The following BRD10 variants were observed in gnomAD, a reference collection of about 807,000 sequenced individuals.
BRD10 encodes the protein uncharacterized bromodomain-containing protein 10.
the BRD10 span, among the ~76,000 whole-genome samples, chr9:5,965,083 A>G: frequency 1.3e-5 from 2 of 151,146 alleles, no homozygotes; most frequent in South Asian, 4.2e-4. Flanking sequence ...AGAAAAAAAA[A>G]TCACCTGCCA....
the BRD10 span, among the ~76,000 whole-genome samples, chr9:5,905,657 GCTAA>G: frequency 6.6e-6 from 1 of 152,192 alleles, no homozygotes; most frequent in Non-Finnish European, 1.5e-5. Flanking sequence ...TCAACCAGCT[GCTAA>G]CTAAAGAATA....
chr9:5,916,397 A>G, the BRD10 span, among the ~76,000 whole-genome samples: 1 of 152,084 alleles, frequency 6.6e-6, no homozygotes, highest in South Asian at 2.1e-4. Flanking sequence ...TTTAATCATA[A>G]AACTATTTCA....
chr9:5,930,317 A>G, the BRD10 span, among the ~76,000 whole-genome samples: 1 of 149,940 alleles, frequency 6.7e-6, no homozygotes, highest in Non-Finnish European at 1.5e-5. Flanking sequence ...CACTATCTAG[A>G]GCAAAAACTA....
the BRD10 span, chr9:6,008,399 G>C: frequency 1.5e-6 from 1 of 647,350 alleles, no homozygotes; most frequent in African/African-American, 2.0e-5. Flanking sequence ...AGAGAAGGGG[G>C]AGGGCACTCA....
the BRD10 span, among the ~76,000 whole-genome samples, chr9:5,987,476 T>A: frequency 1.3e-5 from 2 of 151,984 alleles, no homozygotes; most frequent in Non-Finnish European, 2.9e-5. Context: ...TCCTTTCCTA[T>A]AGTAGGAGTA....
At chr9:5,956,967 G>A in the BRD10 span, among the ~76,000 whole-genome samples, 1 of 152,098 alleles carries the variant, frequency 6.6e-6, no homozygotes, top group South Asian at 2.1e-4. Flanking sequence ...CAGTCTAGGG[G>A]GTAGGAAAAG....
chr9:5,988,684 T>G, the BRD10 span: 1 of 638,360 alleles, frequency 1.6e-6, no homozygotes, highest in Non-Finnish European at 2.7e-6. Flanking sequence ...GTTCTAACTT[T>G]TTATCCTCCC....
chr9:5,931,684 T>C, the BRD10 span, among the ~76,000 whole-genome samples: 1 of 152,176 alleles, frequency 6.6e-6, no homozygotes, highest in Non-Finnish European at 1.5e-5. Flanking sequence ...ATTAAATCAT[T>C]CTATATTTCG....
chr9:5,915,732 CTTA>C, the BRD10 span, among the ~76,000 whole-genome samples: 26 of 152,232 alleles, frequency 1.7e-4, no homozygotes, highest in East Asian at 3.1e-3. Context: ...ATTCCTCTAA[CTTA>C]TTATTATTTT....
chr9:6,008,092 G>A, the BRD10 span: 2 of 980,486 alleles, frequency 2.0e-6, no homozygotes, highest in Middle Eastern at 5.2e-4. Context: ...TCCGCACCCC[G>A]CCCGCCTGCT....
chr9:5,922,472 G>A, the BRD10 span: 1 of 1,613,998 alleles, frequency 6.2e-7, no homozygotes, highest in Non-Finnish European at 8.5e-7. Context: ...ATTTGATAAA[G>A]GTGTAATTGT....
At chr9:6,001,038 C>G in the BRD10 span, among the ~76,000 whole-genome samples, 1 of 152,158 alleles carries the variant, frequency 6.6e-6, no homozygotes, top group African/African-American at 2.4e-5. Context: ...TGAATGCCTC[C>G]TCTCAGGTCC....
At chr9:5,960,559 TC>T in the BRD10 span, among the ~76,000 whole-genome samples, 1 of 89,084 alleles carries the variant, frequency 1.1e-5, no homozygotes, top group Admixed American at 1.1e-4. Flanking sequence ...TGAGACTCTG[TC>T]TCAAAAAAAA....
the BRD10 span, among the ~76,000 whole-genome samples, chr9:5,993,843 A>C: frequency 6.6e-6 from 1 of 152,228 alleles, no homozygotes; most frequent in Admixed American, 6.5e-5. Flanking sequence ...ATGCATTTAC[A>C]GGGGCAAATG....
the BRD10 span, among the ~76,000 whole-genome samples, chr9:5,939,798 G>A: frequency 6.6e-6 from 1 of 152,192 alleles, no homozygotes; most frequent in African/African-American, 2.4e-5. Flanking sequence ...TGCACTGTAG[G>A]ATCATTACAG....
chr9:5,886,889 C>T, the BRD10 span, among the ~76,000 whole-genome samples: 155 of 152,296 alleles, frequency 1.0e-3, no homozygotes, highest in African/African-American at 3.6e-3. Flanking sequence ...CCAGGCACCT[C>T]AGAAGCTGCA....
the BRD10 span, chr9:5,921,710 T>C: frequency 1.9e-6 from 3 of 1,613,924 alleles, no homozygotes; most frequent in South Asian, 1.1e-5. Flanking sequence ...AATATTTGCA[T>C]TGTTTTGTCC....
the BRD10 span, among the ~76,000 whole-genome samples, chr9:5,953,605 C>A: frequency 6.6e-6 from 1 of 151,910 alleles, no homozygotes; most frequent in South Asian, 2.1e-4. Context: ...TGAAAACGAA[C>A]TATCTAGGCA....
the BRD10 span, among the ~76,000 whole-genome samples, chr9:5,995,355 CTTTAT>C: frequency 6.6e-6 from 1 of 152,362 alleles, no homozygotes; most frequent in East Asian, 1.9e-4. Context: ...CCCATCCTTA[CTTTAT>C]GTTTCAGTGA....
Sources: gnomAD v4.1 joint callset for allele counts (sites outside exome capture counted in the v4.1 genomes callset) on GRCh38, gnomAD v4.1.1 for gene constraint, MANE v1.5 for transcripts, NCBI Gene and HGNC (gene_info 2026-07-23, HGNC 2026-07-21) for gene names.